CD247: variants seen among roughly 807,000 people sequenced by gnomAD.
CD247 encodes the protein T-cell surface glycoprotein CD3 zeta chain.
In CD247, 13 loss-of-function variants were observed where a neutral mutation model predicts 30.0. The ratio of observed to expected loss-of-function variants is 0.43; its 90% CI spans 0.28 to 0.69. The LOEUF (loss-of-function observed/expected upper bound fraction) is 0.69. CD247 is among the 30% of genes least tolerant of loss of function. The pLI is 0.16. For missense variants in CD247, 193 were observed against 212.6 expected (o/e 0.91, Z 0.57); for synonymous variants, 72 against 80.0 (o/e 0.90, Z 0.53).
At chr1:167,499,412 T>C (rs1053994052) in intron 1 of CD247, among the ~76,000 whole-genome samples, 1 of 152,180 alleles carries the variant, frequency 6.6e-6, no homozygotes, top group African/African-American at 2.4e-5. Context: ...AGCTGTTTTA[T>C]TTCTGGGAAA....
At chr1:167,477,099 T>C (rs1184582942) in intron 1 of CD247, among the ~76,000 whole-genome samples, 1 of 152,188 alleles carries the variant, frequency 6.6e-6, no homozygotes. Context: ...GATAGAAGCA[T>C]TTTGGAATCC....
intron 1 of CD247, among the ~76,000 whole-genome samples, chr1:167,503,655 T>A (rs1655002485): frequency 6.6e-6 from 1 of 152,006 alleles, no homozygotes; most frequent in Non-Finnish European, 1.5e-5. Flanking sequence ...TGGGGAAGAG[T>A]GCCTTTGTTA....
intron 1 of CD247, among the ~76,000 whole-genome samples, chr1:167,467,764 G>C (rs1653323990): frequency 6.6e-6 from 1 of 152,138 alleles, no homozygotes; most frequent in Non-Finnish European, 1.5e-5. Flanking sequence ...AGCACAGTTT[G>C]CTCGTATCCC....
At chr1:167,442,169 G>A (rs1398984146) in intron 1 of CD247, among the ~76,000 whole-genome samples, 1 of 152,224 alleles carries the variant, frequency 6.6e-6, no homozygotes, top group Admixed American at 6.5e-5. Context: ...TGTGAATGAG[G>A]AGACTCAGAT....
At chr1:167,507,295 T>C (rs1655185133) in intron 1 of CD247, among the ~76,000 whole-genome samples, 2 of 151,622 alleles carry the variant, frequency 1.3e-5, no homozygotes, top group African/African-American at 4.9e-5. Context: ...GGGTCAAAGT[T>C]GGTAGAGAAA....
At chr1:167,431,855 AC>A in intron 7 of CD247, 109 bp from the exon 8 acceptor site, 1 of 932,194 alleles carries the variant, frequency 1.1e-6, no homozygotes, top group Non-Finnish European at 1.8e-6. Context: ...GTGACCACCC[AC>A]CCAGCCTCCA....
At chr1:167,468,200 C>G (rs924201424) in intron 1 of CD247, among the ~76,000 whole-genome samples, 5 of 152,002 alleles carry the variant, frequency 3.3e-5, no homozygotes, top group Non-Finnish European at 7.4e-5. Context: ...TTTATTGCCT[C>G]CAAATTAATA....
At chr1:167,496,291 A>G (rs1331896678) in intron 1 of CD247, among the ~76,000 whole-genome samples, 5 of 152,136 alleles carry the variant, frequency 3.3e-5, no homozygotes, top group Non-Finnish European at 5.9e-5. Flanking sequence ...CCATTCATCA[A>G]AGAAGCTATC....
At chr1:167,432,315 C>A (rs1001810202) in intron 7 of CD247, among the ~76,000 whole-genome samples, 1 of 152,182 alleles carries the variant, frequency 6.6e-6, no homozygotes, top group Non-Finnish European at 1.5e-5. Flanking sequence ...GCCTGTCCCC[C>A]TGGTCCAGGG....
chr1:167,461,808 A>T lies in CD247; in HGVS notation c.59-21041T>A, dbSNP rs565489624. ...GGTTGCAGTGAGCCGAGATCACGCC[A>T]CTGCACTCCAGCCTGGGCGACAGGC... On this transcript the variant is annotated intron_variant, in intron 1 of 7. Transcript: ENST00000362089. 2.4e-4 allele frequency among the ~76,000 whole-genome samples: 37 copies of T among 151,268 alleles called. No homozygotes were observed. The Middle Eastern group carries it at 0.01, about 42-fold the overall frequency.
intron 1 of CD247, among the ~76,000 whole-genome samples, chr1:167,456,428 C>T (rs1652674628): frequency 6.6e-6 from 1 of 152,126 alleles, no homozygotes; most frequent in Non-Finnish European, 1.5e-5. Flanking sequence ...ACTACAGATG[C>T]AGAGAATTTT....
chr1:167,466,282 GCA>G (rs1362264109), intron 1 of CD247, among the ~76,000 whole-genome samples: 14 of 152,072 alleles, frequency 9.2e-5, no homozygotes, highest in African/African-American at 3.4e-4. Context: ...CCTCCCCCTT[GCA>G]CAGTTTTCTG....
chr1:167,486,730 C>T (rs1355082201), intron 1 of CD247, among the ~76,000 whole-genome samples: 3 of 152,230 alleles, frequency 2.0e-5, no homozygotes, highest in Non-Finnish European at 2.9e-5. Context: ...GCTCTGGCCA[C>T]TTATGCGGGC....
At chr1:167,485,987 G>A (rs1211297618) in intron 1 of CD247, among the ~76,000 whole-genome samples, 1 of 151,948 alleles carries the variant, frequency 6.6e-6, no homozygotes, top group Non-Finnish European at 1.5e-5. Context: ...ATTGTGGGCC[G>A]CCTTCCAGAA....
At chr1:167,453,073 C>T (rs1392527093) in intron 1 of CD247, among the ~76,000 whole-genome samples, 3 of 76,158 alleles carry the variant, frequency 3.9e-5, no homozygotes, top group African/African-American at 7.2e-5. Context: ...GAGAGAAAGA[C>T]ACTTATTCTT....
chr1:167,467,297 T>G (rs1401692914), intron 1 of CD247, among the ~76,000 whole-genome samples: 1 of 152,252 alleles, frequency 6.6e-6, no homozygotes, highest in African/African-American at 2.4e-5. Flanking sequence ...CATAATCTGC[T>G]TTTCTGCGGC....
At position 167,431,603 on chromosome 1, in the gene CD247, G is replaced by T. The variant is rs1651268603; in HGVS notation, c.*78C>A. On this transcript the variant is annotated 3_prime_UTR_variant, in exon 8 of 8. Transcript: ENST00000362089. ...TCAGTGGCTGAGAAGAGTGAACCGG[G>T]TTGTAAATGCTTCATCCTGTGTCTC... 1.7e-6 allele frequency: 2 copies of T among 1,177,290 alleles called. No individual in the cohort carries two copies. The highest frequency in any genetic ancestry group is 2.4e-5 in the South Asian group (2 of 82,440). 72.9% of individuals were successfully genotyped at this position (1,177,290 alleles called of 1,614,324 possible).
intron 1 of CD247, among the ~76,000 whole-genome samples, chr1:167,444,193 C>T (rs559083052): frequency 4.3e-4 from 66 of 152,094 alleles, no homozygotes; most frequent in Non-Finnish European, 4.9e-4. Context: ...ATATTTGGGT[C>T]GAGTCTTCTG....
intron 3 of CD247, 117 bp from the exon 4 acceptor site, chr1:167,438,767 G>A (rs942100222): frequency 1.3e-6 from 1 of 797,864 alleles, no homozygotes; most frequent in Non-Finnish European, 2.3e-6. Context: ...GAGGGGCAGG[G>A]GCTGGGGAGG....
Sources: allele counts gnomAD v4.1 joint callset (sites outside exome capture counted in the v4.1 genomes callset), GRCh38; gene constraint gnomAD v4.1.1; transcripts MANE v1.5; gene names NCBI Gene and HGNC (gene_info 2026-07-23, HGNC 2026-07-21).